DNAH12: variants seen among roughly 807,000 people sequenced by gnomAD.
DNAH12 encodes axonemal beta dynein heavy chain 12.
Under a neutral mutation model 371.5 loss-of-function variants are expected in DNAH12, and 285 were observed. The observed-to-expected ratio is 0.77, with a 90% CI of 0.70 to 0.85. The LOEUF (loss-of-function observed/expected upper bound fraction) is 0.85. Ranked by LOEUF, DNAH12 falls within the 40% of genes least tolerant of loss-of-function variation. The probability of loss-of-function intolerance (pLI) is 0.00; values close to 1 mark genes in which losing one functional copy is unlikely to be tolerated. For missense variants in DNAH12, 3,611 were observed against 3,689.4 expected, an observed-to-expected ratio of 0.98 and a Z score of 0.55; for synonymous variants, 1,200 against 1,213.0, an observed-to-expected ratio of 0.99 and a Z score of 0.22.
rs376690924 is a variant in DNAH12, at chr3:57,327,256, A to C, written c.9979-3637T>G. ...GCCACCCCAAATCAACAGAATATAC[A>C]TTTTTTTCAGCACCACACTACACCT... On this transcript the variant is annotated intron_variant, in intron 62 of 73. Coordinates refer to ENST00000495027, the MANE Select transcript of DNAH12 (RefSeq NM_001366028.2). 4.6e-5 allele frequency among the ~76,000 whole-genome samples: 7 copies of C among 152,048 alleles called. No homozygotes were observed. In the East Asian group the frequency reaches 9.7e-4, roughly 21 times the overall value.
intron 2 of DNAH12, among the ~76,000 whole-genome samples, chr3:57,532,229 T>G (rs6781521): frequency 0.27 from 40,605 of 152,004 alleles, 7,400 homozygotes; most frequent in African/African-American, 0.51. Flanking sequence ...TCTGATAAAG[T>G]TCGAAATTCT....
At chr3:57,474,654 A>G (rs1381746173) in intron 13 of DNAH12, among the ~76,000 whole-genome samples, 2 of 151,778 alleles carry the variant, frequency 1.3e-5, no homozygotes, top group Non-Finnish European at 2.9e-5. Context: ...TGGGTATTAA[A>G]TTAGTATATA....
At chr3:57,428,956 T>G in intron 33 of DNAH12, 135 bp from the exon 34 acceptor site, 1 of 829,862 alleles carries the variant, frequency 1.2e-6, no homozygotes, top group South Asian at 2.3e-5. Context: ...CTTCACACAG[T>G]CTAGACGTTC....
At chr3:57,498,860 A>G (rs1482550217) in intron 11 of DNAH12, among the ~76,000 whole-genome samples, 1 of 152,006 alleles carries the variant, frequency 6.6e-6, no homozygotes, top group Non-Finnish European at 1.5e-5. Context: ...TTAGCTGGCC[A>G]TGGTGATGGG....
chr3:57,438,036 C>T (rs1169382775), intron 29 of DNAH12, among the ~76,000 whole-genome samples: 1 of 152,148 alleles, frequency 6.6e-6, no homozygotes, highest in Non-Finnish European at 1.5e-5. Context: ...TGGCCAGGTG[C>T]GGTGGCTCAT....
chr3:57,413,612 G>C (rs147713780), intron 39 of DNAH12, 134 bp downstream of exon 39: 8 of 948,526 alleles, frequency 8.4e-6, no homozygotes. Flanking sequence ...ATATTAGAGA[G>C]GCTTCATGTA....
chr3:57,376,599 A>G (rs926490821), intron 53 of DNAH12, among the ~76,000 whole-genome samples: 2 of 152,192 alleles, frequency 1.3e-5, no homozygotes, highest in East Asian at 3.8e-4. Context: ...TGTTAGATCA[A>G]GCCAGTTATA....
Position 57,396,299 on chromosome 3 carries a change from A to AC in DNAH12, c.6949-1968_6949-1967insG, listed in dbSNP as rs1310898388. ...ATCTCAAAAAAAAAAACAAAAAAAA[A>AC]AAAAAAAAAAAGAGAACCATAAACA... On this transcript the variant is annotated intron_variant, in intron 43 of 73. Transcript: ENST00000495027. 3.2e-3 allele frequency among the ~76,000 whole-genome samples: 469 copies of AC among 145,832 alleles called. 7 individuals carry two copies. The highest frequency in any genetic ancestry group is 9.8e-3 in the African/African-American group (390 of 39,794).
At chr3:57,500,924 T>TCAAAAA (rs575859651) in intron 11 of DNAH12, among the ~76,000 whole-genome samples, 58 of 152,054 alleles carry the variant, frequency 3.8e-4, no homozygotes, top group South Asian at 6.2e-4. Context: ...CCTGGCTAAT[T>TCAAAAA]CAAAAACAAA....
At chr3:57,382,057 G>A (rs36167134) in intron 50 of DNAH12, among the ~76,000 whole-genome samples, 15,622 of 151,930 alleles carry the variant, frequency 0.1, 1,349 homozygotes, top group East Asian at 0.39. Context: ...TAGTTGAGAC[G>A]GGGTTTCACC....
intron 2 of DNAH12, among the ~76,000 whole-genome samples, chr3:57,541,917 G>A (rs904631638): frequency 6.6e-6 from 1 of 152,016 alleles, no homozygotes; most frequent in African/African-American, 2.4e-5. Context: ...GACCAAGAAA[G>A]GAAAGAGAAT....
At chr3:57,432,469 C>T (rs1443583225) in intron 32 of DNAH12, among the ~76,000 whole-genome samples, 1 of 151,554 alleles carries the variant, frequency 6.6e-6, no homozygotes, top group African/African-American at 2.4e-5. Flanking sequence ...CGTGAGCCAC[C>T]GCGCCCGGCC....
intron 39 of DNAH12, 45 bp from the exon 40 acceptor site, chr3:57,408,580 C>G (rs782638941): frequency 9.7e-6 from 14 of 1,443,150 alleles, no homozygotes; most frequent in Admixed American, 2.9e-5. Flanking sequence ...GTTATAAAGA[C>G]ATTAAGATGG....
Position 57,352,064 on chromosome 3 carries a change from T to C in DNAH12, c.9674+21A>G, listed in dbSNP as rs562013652. On this transcript the variant is annotated intron_variant, in intron 60 of 73. Transcript: ENST00000495027. ...GGAGGTTTTAAAAATAAATAAATTA[T>C]GGTAAAAGCAAGTAACTTACAGAAG... 2.7e-5 allele frequency: 40 copies of C among 1,492,276 alleles called. No homozygotes were observed. The South Asian group carries it at 4.8e-4, about 18-fold the overall frequency. The allele number at this position is 1,492,276 out of a possible 1,614,324, so 92.4% of individuals were successfully genotyped here. A position where few individuals can be genotyped will look rare whatever the true frequency, so the allele number is the denominator to read the frequency against.
At chr3:57,401,117 CCAGT>C (rs1441409563) in intron 43 of DNAH12, among the ~76,000 whole-genome samples, 3 of 151,956 alleles carry the variant, frequency 2.0e-5, no homozygotes, top group South Asian at 4.2e-4. Context: ...TGTTAAACAA[CCAGT>C]AAGTCAAAGA....
chr3:57,537,367 A>G (rs899018926), intron 2 of DNAH12, among the ~76,000 whole-genome samples: 9 of 152,228 alleles, frequency 5.9e-5, no homozygotes, highest in Non-Finnish European at 1.2e-4. Flanking sequence ...TAGCTAAGGA[A>G]GAAGGCAGGC....
chr3:57,324,445 T>C (rs941067182), intron 62 of DNAH12, among the ~76,000 whole-genome samples: 6 of 152,212 alleles, frequency 3.9e-5, no homozygotes, highest in African/African-American at 1.4e-4. Context: ...AATAGCAGTC[T>C]ACACATGTTG....
chr3:57,555,750 G>T, the DNAH12 span, among the ~76,000 whole-genome samples: 1 of 152,248 alleles, frequency 6.6e-6, no homozygotes, highest in Non-Finnish European at 1.5e-5. Context: ...CGGAGTTATT[G>T]TATATCGTTC....
intron 62 of DNAH12, among the ~76,000 whole-genome samples, chr3:57,331,960 G>T (rs1379412808): frequency 6.6e-6 from 1 of 151,922 alleles, no homozygotes; most frequent in Non-Finnish European, 1.5e-5. Flanking sequence ...ATTTTGTTAG[G>T]TCAGGGTAGC....
Sources: allele counts gnomAD v4.1 joint callset (sites outside exome capture counted in the v4.1 genomes callset), GRCh38; gene constraint gnomAD v4.1.1; transcripts MANE v1.5; gene names NCBI Gene and HGNC (gene_info 2026-07-23, HGNC 2026-07-21).